Variants in SLC4A4 observed in about 807,000 individuals in gnomAD.
SLC4A4 encodes the protein solute carrier family 4 member 4, also known as electrogenic sodium bicarbonate cotransporter 1.
A neutral mutation model predicts 111.5 loss-of-function variants in SLC4A4; 27 were observed. The observed-to-expected ratio is 0.24, with a 90% CI of 0.18 to 0.33. SLC4A4 has a LOEUF of 0.33. Among genes scored for constraint, SLC4A4 ranks in the 10% least tolerant of loss-of-function variants. The pLI, the probability that SLC4A4 is intolerant of heterozygous loss-of-function variation, is 1.00. For synonymous variants in SLC4A4, 443 were observed against 463.4 expected, an observed-to-expected ratio of 0.96 and a Z score of 0.57; for missense variants, 909 against 1,315.5, an observed-to-expected ratio of 0.69 and a Z score of 4.78.
chr4:71,087,620 G>T (rs567984907), intron 1 of SLC4A4, among the ~76,000 whole-genome samples: 1 of 152,118 alleles, frequency 6.6e-6, no homozygotes, highest in Admixed American at 6.5e-5. Flanking sequence ...GTTCTCATTG[G>T]TTTCAAAGAA....
intron 6 of SLC4A4, among the ~76,000 whole-genome samples, chr4:71,393,087 A>G (rs962135617): frequency 6.6e-6 from 1 of 152,148 alleles, no homozygotes; most frequent in African/African-American, 2.4e-5. Flanking sequence ...AGTTGGAAGC[A>G]TTCCCTCCAA....
chr4:71,522,614 A>G (rs1175161179), intron 16 of SLC4A4, among the ~76,000 whole-genome samples: 1 of 152,218 alleles, frequency 6.6e-6, no homozygotes, highest in Non-Finnish European at 1.5e-5. Context: ...TGTGGCTGGC[A>G]TATGTAACAG....
chr4:71,419,262 G>A (rs1722132640), intron 7 of SLC4A4, among the ~76,000 whole-genome samples: 1 of 152,234 alleles, frequency 6.6e-6, no homozygotes, highest in Non-Finnish European at 1.5e-5. Context: ...AGAGGTTACT[G>A]CTGTCCTTTT....
chr4:71,280,719 C>CATG (rs1267227198), intron 3 of SLC4A4, among the ~76,000 whole-genome samples: 1 of 152,022 alleles, frequency 6.6e-6, no homozygotes, highest in Admixed American at 6.6e-5. Context: ...CTTTTTGTGT[C>CATG]ATGTCTCAAA....
chr4:71,204,164 G>A (rs530318850), intron 1 of SLC4A4, among the ~76,000 whole-genome samples: 1 of 152,292 alleles, frequency 6.6e-6, no homozygotes, highest in South Asian at 2.1e-4. Context: ...TAATGGTTCA[G>A]TTTCCAACAA....
intron 2 of SLC4A4, among the ~76,000 whole-genome samples, chr4:71,254,604 T>C (rs1721304132): frequency 6.6e-6 from 1 of 152,084 alleles, no homozygotes; most frequent in African/African-American, 2.4e-5. Context: ...GTATGTCTTA[T>C]TTTTCTCAGT....
intron 6 of SLC4A4, 145 bp from the exon 7 acceptor site, chr4:71,397,432 G>A (rs1253152361): frequency 1.3e-6 from 1 of 763,552 alleles, no homozygotes; most frequent in East Asian, 2.6e-5. Flanking sequence ...CTGGACTCTG[G>A]AAAACTCTTC....
chr4:71,371,119 A>G (rs1578942475), intron 6 of SLC4A4, among the ~76,000 whole-genome samples: 1 of 152,176 alleles, frequency 6.6e-6, no homozygotes, highest in East Asian at 1.9e-4. Context: ...TTACCTACCT[A>G]TTCAACCTCA....
intron 7 of SLC4A4, among the ~76,000 whole-genome samples, chr4:71,436,263 A>AT (rs933064351): frequency 2.6e-5 from 4 of 152,208 alleles, no homozygotes; most frequent in African/African-American, 9.6e-5. Context: ...TTGTAGGGAC[A>AT]TGGATGAAGC....
rs186888393 is a variant in SLC4A4 at position 71,546,226 on chromosome 4, G to A, written c.2443-124G>A. The stretch of plus-strand genomic sequence containing the variant: ...AAGAAGATAAAGTCCCCTCTTTCAA[G>A]GAGTTTAACTTACCAAGCAAAGCAA... On this transcript the variant is annotated intron_variant, in intron 18 of 25. Coordinates refer to ENST00000264485, the MANE Select transcript of SLC4A4 (RefSeq NM_001098484.3). 4.2e-5 allele frequency: 34 copies of A among 802,912 alleles called. No individual in the cohort carries two copies. In the East Asian group the frequency reaches 8.4e-4, roughly 20 times the overall value. 49.7% of individuals were successfully genotyped at this position (802,912 alleles called of 1,614,324 possible).
chr4:71,287,351 A>G (rs189234968), intron 3 of SLC4A4, among the ~76,000 whole-genome samples: 1 of 152,386 alleles, frequency 6.6e-6, no homozygotes, highest in Admixed American at 6.5e-5. Context: ...CACACGCTTC[A>G]GAAGTACAAA....
At chr4:71,154,479 G>A (rs1395227733) in intron 2 of SLC4A4, among the ~76,000 whole-genome samples, 2 of 152,084 alleles carry the variant, frequency 1.3e-5, no homozygotes, top group African/African-American at 4.8e-5. Flanking sequence ...GAAAGAAGAT[G>A]CTTGAATAGG....
chr4:71,363,633 T>C (rs940391567), intron 6 of SLC4A4, among the ~76,000 whole-genome samples: 4 of 152,212 alleles, frequency 2.6e-5, no homozygotes, highest in African/African-American at 9.6e-5. Flanking sequence ...GTTGACATCT[T>C]GCAACTCTCA....
chr4:71,102,743 C>G (rs1481735003), intron 2 of SLC4A4, among the ~76,000 whole-genome samples: 1 of 150,732 alleles, frequency 6.6e-6, no homozygotes, highest in Non-Finnish European at 1.5e-5. Flanking sequence ...CACCACCAGG[C>G]CTGCCCTAAA....
chr4:71,553,233 C>T (rs1736189041), intron 20 of SLC4A4, among the ~76,000 whole-genome samples: 1 of 151,838 alleles, frequency 6.6e-6, no homozygotes. Context: ...ATATCTAAAG[C>T]TATTTTTCTA....
chr4:71,239,478 G>T (rs1324125259), intron 2 of SLC4A4, among the ~76,000 whole-genome samples: 2 of 152,124 alleles, frequency 1.3e-5, no homozygotes, highest in African/African-American at 4.8e-5. Context: ...GAATGCTGTG[G>T]TTCTGAGGAG....
At chr4:71,126,789 A>G (rs1743573504) in intron 2 of SLC4A4, among the ~76,000 whole-genome samples, 1 of 152,226 alleles carries the variant, frequency 6.6e-6, no homozygotes, top group Non-Finnish European at 1.5e-5. Flanking sequence ...AAACATTTTC[A>G]ACAGACTAGC....
chr4:71,263,106 A>G (rs1325542626), intron 3 of SLC4A4, among the ~76,000 whole-genome samples: 1 of 149,516 alleles, frequency 6.7e-6, no homozygotes, highest in African/African-American at 2.5e-5. Flanking sequence ...GAGTGAGAAC[A>G]TGCGGTGCAA....
In SLC4A4 at chr4:71,495,510, A is replaced by G. The variant is rs554850660; in HGVS notation, c.1975-1991A>G. 9.2e-5 allele frequency among the ~76,000 whole-genome samples: 14 copies of G among 152,250 alleles called. No homozygotes were observed. The South Asian group carries it at 2.9e-3, about 32-fold the overall frequency. ...TTTGATAAAAGCAAGAATGCAGTTC[A>G]GCTGTTTACAAGTTGAAGCTTCTAT... is the stretch of plus-strand genomic sequence containing the variant. On this transcript the variant is annotated intron_variant, in intron 15 of 25. Transcript: ENST00000264485.
Sources: allele counts gnomAD v4.1 joint callset (sites outside exome capture counted in the v4.1 genomes callset), GRCh38; gene constraint gnomAD v4.1.1; transcripts MANE v1.5; gene names NCBI Gene and HGNC (gene_info 2026-07-23, HGNC 2026-07-21).